NHSL2: variants seen among roughly 807,000 people sequenced by gnomAD.
NHSL2 encodes the protein NHS-like protein 2.
NHSL2 carries 27 observed loss-of-function variants against 53.4 expected under a neutral mutation model. The observed-to-expected ratio is 0.51, with a 90% CI of 0.37 to 0.70. NHSL2 has a LOEUF of 0.70. Ranked by LOEUF, NHSL2 falls within the 30% of genes least tolerant of loss-of-function variation. The pLI is 0.00. For missense variants in NHSL2, 892 were observed against 980.1 expected, an observed-to-expected ratio of 0.91 and a Z score of 1.20; for synonymous variants, 408 against 404.1, an observed-to-expected ratio of 1.01 and a Z score of -0.12.
At chrX:71,952,332 G>A (rs1184590261) in intron 1 of NHSL2, among the ~76,000 whole-genome samples, 1 of 112,259 alleles carries the variant, frequency 8.9e-6, no homozygotes, top group Non-Finnish European at 1.9e-5. Context: ...GCCCCTCCAA[G>A]TTCTTAGCAT....
At chrX:72,025,610 G>A (rs1044446907) in intron 1 of NHSL2, among the ~76,000 whole-genome samples, 10 of 112,619 alleles carry the variant, frequency 8.9e-5, no homozygotes, top group African/African-American at 3.2e-4. Flanking sequence ...TCCTCTGGAA[G>A]GTGACTGCCA....
rs866909340 is a variant in NHSL2, at chrX:72,134,518, C to T, written c.574C>T (p.Arg192Trp). ...CCTTCTCTCCCAACAGCCTACAAAACGGCAGCTGAGCGAGGATGAGACTAC... is the reference window on the plus strand; with the variant it reads ...CCTTCTCTCCCAACAGCCTACAAAATGGCAGCTGAGCGAGGATGAGACTAC... ...RLEFILMPTK[R>W]QLSEDETTTQ... The change falls in exon 4 of 8, where the codon CGG becomes TGG. Residue 192 changes from arginine to tryptophan, a missense_variant. By Grantham distance (101) the Arg-to-Trp change is moderately radical. Transcript: ENST00000633930. The T allele has an allele frequency of 3.5e-5, 41 of 1,164,347 alleles. No individual in the cohort carries two copies. In the Middle Eastern group the frequency reaches 5.6e-3, roughly 159 times the overall value.
At chrX:72,076,263 A>ATAT (rs1329827873) in intron 1 of NHSL2, among the ~76,000 whole-genome samples, 6 of 111,323 alleles carry the variant, frequency 5.4e-5, no homozygotes, top group African/African-American at 2.0e-4. Context: ...ATGGTCATGC[A>ATAT]TATTATTATT....
chrX:72,023,893 A>C lies in NHSL2; in HGVS notation c.281-108186A>C, dbSNP rs192192115. Among the ~76,000 whole-genome samples the C allele has an allele frequency of 6.3e-5, 7 of 111,820 alleles. No homozygotes were observed. The Admixed American group carries it at 6.6e-4, about 11-fold the overall frequency. ...CCTGAGCCAAGGCAGGAGCTGACAG[A>C]TTGGTGACATATTTAGGAGGAAATG... On this transcript the variant is annotated intron_variant, in intron 1 of 7. Coordinates refer to ENST00000633930, the MANE Select transcript of NHSL2 (RefSeq NM_001013627.3).
intron 2 of NHSL2, among the ~76,000 whole-genome samples, chrX:72,132,607 C>T (rs2042317456): frequency 9.0e-6 from 1 of 110,648 alleles, no homozygotes; most frequent in African/African-American, 3.3e-5. Context: ...GATCCTGGCA[C>T]CAGAAGACAA....
At chrX:72,010,839 G>A (rs1406113270) in intron 1 of NHSL2, among the ~76,000 whole-genome samples, 4 of 111,867 alleles carry the variant, frequency 3.6e-5, no homozygotes, top group African/African-American at 1.3e-4. Context: ...CAAGCAGGGT[G>A]TTGCCTTTAT....
chrX:71,918,135 C>T (rs938526530), intron 1 of NHSL2, among the ~76,000 whole-genome samples: 2 of 111,358 alleles, frequency 1.8e-5, no homozygotes, highest in African/African-American at 3.3e-5. Context: ...GCAGGAGGGG[C>T]TCCGAGCCAC....
intron 1 of NHSL2, 39 bp downstream of exon 1, chrX:71,911,406 A>G (rs938254859): frequency 9.9e-7 from 1 of 1,007,563 alleles, no homozygotes; most frequent in Non-Finnish European, 1.3e-6. Flanking sequence ...CCCCGCGTCT[A>G]CCCCGCCTCT....
Position 72,070,842 on chromosome X carries a change from C to T in NHSL2, c.281-61237C>T, listed in dbSNP as rs757175243. On this transcript the variant is annotated intron_variant, in intron 1 of 7. Coordinates refer to ENST00000633930, the MANE Select transcript of NHSL2 (RefSeq NM_001013627.3). Reference sequence around the variant, plus strand: ...GTTTGGGAAGCTCTCATTCACCATTCGGGCCTGTGAGAAGGAAGGAAAAGT... The same window carrying T: ...GTTTGGGAAGCTCTCATTCACCATTTGGGCCTGTGAGAAGGAAGGAAAAGT... Among the ~76,000 whole-genome samples the T allele has an allele frequency of 6.1e-4, 68 of 111,251 alleles. 2 individuals are homozygous for T. In the South Asian group the frequency reaches 0.013, roughly 22 times the overall value.
At chrX:71,977,511 T>G (rs1316478317) in intron 1 of NHSL2, among the ~76,000 whole-genome samples, 1 of 106,611 alleles carries the variant, frequency 9.4e-6, no homozygotes, top group Non-Finnish European at 1.9e-5. Flanking sequence ...AGTCTCAACC[T>G]CCTGGGCTCA....
At chrX:72,048,531 G>A (rs1015507857) in intron 1 of NHSL2, among the ~76,000 whole-genome samples, 7 of 110,015 alleles carry the variant, frequency 6.4e-5, no homozygotes, top group Non-Finnish European at 1.3e-4. Flanking sequence ...TGCCACTGGG[G>A]TCCTGAGGAG....
chrX:72,068,685 A>T (rs376892786), intron 1 of NHSL2, among the ~76,000 whole-genome samples: 2 of 10,406 alleles, frequency 1.9e-4, no homozygotes, highest in Non-Finnish European at 8.6e-4. Flanking sequence ...TGAGAGAGAG[A>T]GAGAGAGAGA....
At chrX:71,948,753 C>T (rs1188966261) in intron 1 of NHSL2, among the ~76,000 whole-genome samples, 1 of 108,504 alleles carries the variant, frequency 9.2e-6, no homozygotes, top group Non-Finnish European at 1.9e-5. Flanking sequence ...TCGCTTGAAC[C>T]TGGGAGGTGG....
chrX:72,117,595 CT>C (rs1308209409), intron 1 of NHSL2, among the ~76,000 whole-genome samples: 2 of 109,793 alleles, frequency 1.8e-5, no homozygotes, highest in African/African-American at 6.7e-5. Context: ...CCCATTTCCC[CT>C]CAATCGCCTC....
At chrX:71,967,252 A>AT (rs200086833) in intron 1 of NHSL2, among the ~76,000 whole-genome samples, 5 of 109,586 alleles carry the variant, frequency 4.6e-5, no homozygotes, top group African/African-American at 1.3e-4. Context: ...GGTTTTGTTG[A>AT]TTTTTTCTCC....
At chrX:72,059,886 A>G (rs66576892) in intron 1 of NHSL2, among the ~76,000 whole-genome samples, 14,033 of 111,693 alleles carry the variant, frequency 0.13, 1,472 homozygotes, top group African/African-American at 0.34. Context: ...GCAACCCCAA[A>G]CTCACTGTAT....
At chrX:72,131,817 G>C (rs1187753189) in intron 1 of NHSL2, 4 of 235,243 alleles carry the variant, frequency 1.7e-5, no homozygotes, top group African/African-American at 1.2e-4. Flanking sequence ...GGCGGAGGAT[G>C]CGGGCGACAC....
intron 1 of NHSL2, among the ~76,000 whole-genome samples, chrX:72,115,341 C>T (rs923225000): frequency 9.7e-6 from 1 of 103,238 alleles, no homozygotes; most frequent in African/African-American, 3.6e-5. Context: ...TAAAGGGCCC[C>T]TTACTGTCCT....
rs749674405 is a variant in NHSL2 at position 72,073,578 on chromosome X, T to TA, written c.281-58500dup. Among the ~76,000 whole-genome samples, 11 of 112,258 alleles carry TA rather than the reference T, an allele frequency of 9.8e-5. No individual in the cohort carries two copies. The East Asian group carries it at 3.1e-3, about 31-fold the overall frequency. ...GAGTTAATATCCATCATGCACCTAT[T>TA]ATATGCCAGCACTTTTCATCCACAA... is the stretch of plus-strand genomic sequence containing the variant. On this transcript the variant is annotated intron_variant, in intron 1 of 7. Coordinates refer to ENST00000633930, the MANE Select transcript of NHSL2 (RefSeq NM_001013627.3).
Sources: allele counts gnomAD v4.1 joint callset (sites outside exome capture counted in the v4.1 genomes callset), GRCh38; gene constraint gnomAD v4.1.1; transcripts MANE v1.5; gene names NCBI Gene and HGNC (gene_info 2026-07-23, HGNC 2026-07-21).